The following MTMR3 variants were observed in gnomAD, a reference collection of about 807,000 sequenced individuals.
The protein encoded by MTMR3 is phosphatidylinositol-3,5-bisphosphate 3-phosphatase MTMR3.
MTMR3 carries 32 observed loss-of-function variants against 132.4 expected under a neutral mutation model. That is an observed-to-expected ratio of 0.24 (90% CI 0.18 to 0.32). The LOEUF (loss-of-function observed/expected upper bound fraction) is 0.32. Ranked by LOEUF, MTMR3 falls within the 10% of genes least tolerant of loss-of-function variation. The pLI is 1.00. For synonymous variants in MTMR3, 556 were observed against 550.3 expected, an observed-to-expected ratio of 1.01 and a Z score of -0.14; for missense variants, 1,216 against 1,489.6, an observed-to-expected ratio of 0.82 and a Z score of 3.02.
At chr22:29,930,065 A>G (rs1292109848) in intron 1 of MTMR3, among the ~76,000 whole-genome samples, 1 of 152,092 alleles carries the variant, frequency 6.6e-6, no homozygotes, top group East Asian at 1.9e-4. Context: ...TTCCTTTCAT[A>G]CTATTTGATT....
intron 3 of MTMR3, among the ~76,000 whole-genome samples, chr22:29,977,586 T>C (rs2066654512): frequency 6.6e-6 from 1 of 152,148 alleles, no homozygotes; most frequent in Non-Finnish European, 1.5e-5. Context: ...TAGAAATTGT[T>C]TTCAAGCTTT....
intron 2 of MTMR3, among the ~76,000 whole-genome samples, chr22:29,961,980 C>A (rs1198163964): frequency 2.0e-5 from 3 of 152,178 alleles, no homozygotes; most frequent in Admixed American, 2.0e-4. Context: ...ACCATATAGC[C>A]TAGGTGTGTA....
chr22:30,007,801 G>T, intron 10 of MTMR3, 100 bp from the exon 11 acceptor site: 1 of 1,406,522 alleles, frequency 7.1e-7, no homozygotes, highest in Non-Finnish European at 9.6e-7. Context: ...TCATTTTATT[G>T]AGCCTTTTTT....
chr22:29,906,062 T>C (rs189954769), intron 1 of MTMR3, among the ~76,000 whole-genome samples: 1 of 152,278 alleles, frequency 6.6e-6, no homozygotes, highest in African/African-American at 2.4e-5. Flanking sequence ...CATTGTGTTT[T>C]CTACGCTGGC....
At chr22:29,952,740 A>G (rs1052895157) in intron 1 of MTMR3, among the ~76,000 whole-genome samples, 1 of 152,344 alleles carries the variant, frequency 6.6e-6, no homozygotes, top group Non-Finnish European at 1.5e-5. Flanking sequence ...GTTTTCATTT[A>G]TAGTTGACTT....
At position 29,928,156 on chromosome 22, in the gene MTMR3, C is replaced by T. The variant is rs554737520; in HGVS notation, c.-137-28880C>T. Among the ~76,000 whole-genome samples, 125 of 143,996 alleles carry T rather than the reference C, an allele frequency of 8.7e-4. 1 individual carries two copies. Among genetic ancestry groups the T allele is most frequent in the African/African-American group, 3.1e-3 (122 of 38,768 alleles). 94.5% of individuals were successfully genotyped at this position (143,996 alleles called of 152,430 possible). On this transcript the variant is annotated intron_variant, in intron 1 of 19. Transcript: ENST00000401950. ...TTCTCATCGTCTGTACGGGTAATCA[C>T]TACATTTTTTTTTTCTTTTTTTTTT... is the stretch of plus-strand genomic sequence containing the variant.
chr22:29,899,970 G>A (rs2064973269), intron 1 of MTMR3, among the ~76,000 whole-genome samples: 2 of 147,284 alleles, frequency 1.4e-5, no homozygotes, highest in South Asian at 2.2e-4. Flanking sequence ...TGAGTTCGTC[G>A]TCTTTTAGCT....
chr22:30,023,833 G>T, intron 19 of MTMR3: 2 of 265,446 alleles, frequency 7.5e-6, no homozygotes, highest in Non-Finnish European at 1.4e-5. Flanking sequence ...AATAATGCTA[G>T]TAATTTCCAG....
At chr22:29,939,630 A>T (rs2065816268) in intron 1 of MTMR3, among the ~76,000 whole-genome samples, 1 of 152,188 alleles carries the variant, frequency 6.6e-6, no homozygotes, top group Admixed American at 6.5e-5. Context: ...GACTTTCTAT[A>T]TGTATGAAGG....
rs2067592618 is a variant in MTMR3 at position 30,016,385 on chromosome 22, C to T, written c.1504-143C>T. 9 of 870,828 alleles carry T rather than the reference C, an allele frequency of 1.0e-5. 1 individual carries two copies. The South Asian group carries it at 1.4e-4, about 14-fold the overall frequency. 53.9% of individuals were successfully genotyped at this position (870,828 alleles called of 1,614,324 possible). On this transcript the variant is annotated intron_variant, in intron 14 of 19. Transcript: ENST00000401950. ...TGGTGGTGTGAGGAGGAGGAGGCTA[C>T]TGCATGGCTTACTGGGTTCCCCGTC... is the stretch of plus-strand genomic sequence containing the variant.
chr22:29,924,558 G>T (rs1342131181), intron 1 of MTMR3, among the ~76,000 whole-genome samples: 2 of 152,062 alleles, frequency 1.3e-5, no homozygotes, highest in African/African-American at 2.4e-5. Context: ...TTGAAATTCC[G>T]TGTGAATTTT....
At chr22:29,990,883 C>T (rs2066948792) in intron 6 of MTMR3, 1 of 152,222 alleles carries the variant, frequency 6.6e-6, no homozygotes, top group Non-Finnish European at 1.5e-5. Flanking sequence ...TGCACTCAGC[C>T]TAAACATATC....
At chr22:29,920,486 A>G (rs1404832658) in intron 1 of MTMR3, among the ~76,000 whole-genome samples, 1 of 152,154 alleles carries the variant, frequency 6.6e-6, no homozygotes, top group Non-Finnish European at 1.5e-5. Flanking sequence ...CAATTTTGGT[A>G]CCTGAAAGAA....
At chr22:30,012,274 C>G in intron 12 of MTMR3, 94 bp from the exon 13 acceptor site, 1 of 1,362,894 alleles carries the variant, frequency 7.3e-7, no homozygotes, top group Non-Finnish European at 1.0e-6. Flanking sequence ...AGAGAGAAAT[C>G]TTTGGAAATT....
chr22:29,967,247 G>A (rs549294940), intron 2 of MTMR3, among the ~76,000 whole-genome samples: 3 of 150,532 alleles, frequency 2.0e-5, no homozygotes, highest in African/African-American at 4.9e-5. Flanking sequence ...GCGCGCGCGC[G>A]CGCATGTTTT....
intron 1 of MTMR3, among the ~76,000 whole-genome samples, chr22:29,908,546 GGC>G (rs1413881159): frequency 2.6e-5 from 4 of 152,178 alleles, no homozygotes; most frequent in Non-Finnish European, 2.9e-5. Flanking sequence ...TGAATTTCAT[GGC>G]TATACGTTGT....
intron 1 of MTMR3, among the ~76,000 whole-genome samples, chr22:29,943,788 C>T (rs960044813): frequency 1.3e-5 from 2 of 149,044 alleles, no homozygotes; most frequent in African/African-American, 5.0e-5. Context: ...AAACCCCACC[C>T]CCAATGCCAG....
intron 1 of MTMR3, among the ~76,000 whole-genome samples, chr22:29,908,607 C>G (rs2065146195): frequency 6.6e-6 from 1 of 152,112 alleles, no homozygotes; most frequent in Non-Finnish European, 1.5e-5. Context: ...TGATTGTTGG[C>G]CCTTTGCGGA....
At chr22:29,950,388 G>T (rs1048486050) in intron 1 of MTMR3, among the ~76,000 whole-genome samples, 1 of 151,106 alleles carries the variant, frequency 6.6e-6, no homozygotes, top group Non-Finnish European at 1.5e-5. Context: ...TTTTGAGATG[G>T]AATTTCACTC....
Sources: gnomAD v4.1 joint callset for allele counts (sites outside exome capture counted in the v4.1 genomes callset) on GRCh38, gnomAD v4.1.1 for gene constraint, MANE v1.5 for transcripts, NCBI Gene and HGNC (gene_info 2026-07-23, HGNC 2026-07-21) for gene names.